STARD4: variants seen among roughly 807,000 people sequenced by gnomAD.
STARD4 encodes the protein StAR related lipid transfer domain containing 4, also known as stAR-related lipid transfer protein 4.
In STARD4, 33 loss-of-function variants were observed where a neutral mutation model predicts 24.9. The ratio of observed to expected loss-of-function variants is 1.32; its 90% CI spans 1.00 to 1.77. STARD4 has a LOEUF of 1.77. Ranked by LOEUF, STARD4 falls within the 40% of genes most tolerant of loss-of-function variation. The pLI, the probability that STARD4 is intolerant of heterozygous loss-of-function variation, is 0.00. For missense variants in STARD4, 238 were observed against 249.3 expected, an observed-to-expected ratio of 0.95 and a Z score of 0.31; for synonymous variants, 88 against 77.4, an observed-to-expected ratio of 1.14 and a Z score of -0.72.
intron 1 of STARD4, among the ~76,000 whole-genome samples, chr5:111,508,052 G>C (rs1450797809): frequency 6.6e-6 from 1 of 152,002 alleles, no homozygotes; most frequent in East Asian, 1.9e-4. Context: ...CCTCAAACAG[G>C]CTAGCTTATC....
intron 3 of STARD4, among the ~76,000 whole-genome samples, chr5:111,504,758 C>A (rs1199630556): frequency 6.6e-6 from 1 of 152,178 alleles, no homozygotes; most frequent in Non-Finnish European, 1.5e-5. Context: ...ATTAGAAAAT[C>A]TTAGATTCAA....
intron 4 of STARD4, among the ~76,000 whole-genome samples, chr5:111,501,552 A>C (rs924527438): frequency 2.6e-5 from 4 of 152,222 alleles, no homozygotes; most frequent in Non-Finnish European, 5.9e-5. Context: ...TAATTTTAGA[A>C]TATCTAAGGT....
Position 111,507,460 on chromosome 5 carries a change from A to G in STARD4, c.-9-18T>C, listed in dbSNP as rs774850455. The G allele has an allele frequency of 1.1e-5, 18 of 1,596,786 alleles. No homozygotes were observed. Among genetic ancestry groups the G allele is most frequent in the Non-Finnish European group, 1.5e-5 (17 of 1,168,724 alleles). On this transcript the variant is annotated intron_variant, in intron 1 of 5. Coordinates refer to ENST00000296632, the MANE Select transcript of STARD4 (RefSeq NM_139164.3). This position sits in a 1 kb window ranked among gnomAD's most constrained non-coding sequence, Gnocchi z 4.4. ...ACTTCTCTCTGTTATGGAGACCAAG[A>G]TTAGCATCAGCAAATACCACAGTTT...
At position 111,499,826 on chromosome 5, in the gene STARD4, C is replaced by T; in HGVS notation, c.*60G>A. The T allele has an allele frequency of 2.8e-6, 4 of 1,448,224 alleles. No individual in the cohort carries two copies. The highest frequency in any genetic ancestry group is 3.8e-6 in the Non-Finnish European group (4 of 1,049,178). The allele number at this position is 1,448,224 out of a possible 1,614,324, so 89.7% of individuals were successfully genotyped here. A position where few individuals can be genotyped will look rare whatever the true frequency, so the allele number is the denominator to read the frequency against. Reference sequence around the variant, plus strand: ...AGAAAAGTGGAATCAATGATTTTTACAGGCCATGTAGCTGAGAGAGTTGAT... The same window carrying T: ...AGAAAAGTGGAATCAATGATTTTTATAGGCCATGTAGCTGAGAGAGTTGAT... On this transcript the variant is annotated 3_prime_UTR_variant, in exon 6 of 6. Transcript: ENST00000296632.
At chr5:111,511,345 T>G (rs1336634186) in intron 1 of STARD4, among the ~76,000 whole-genome samples, 8 of 152,236 alleles carry the variant, frequency 5.3e-5, no homozygotes, top group African/African-American at 9.6e-5. Context: ...TAACATTTAT[T>G]GATCACTTAC....
intron 3 of STARD4, among the ~76,000 whole-genome samples, chr5:111,504,692 C>T (rs893439461): frequency 5.3e-5 from 8 of 152,272 alleles, no homozygotes; most frequent in Middle Eastern, 3.4e-3. Flanking sequence ...TCTGCTCTCT[C>T]ATCTTGTATT....
At chr5:111,511,832 A>G (rs1481045469) in intron 1 of STARD4, among the ~76,000 whole-genome samples, 1 of 152,228 alleles carries the variant, frequency 6.6e-6, no homozygotes, top group Non-Finnish European at 1.5e-5. Context: ...ATTCGGGAAA[A>G]CAATGACACT....
chr5:111,512,246 C>T (rs866744589), intron 1 of STARD4, 139 bp downstream of exon 1: 1 of 152,486 alleles, frequency 6.6e-6, no homozygotes, highest in Non-Finnish European at 1.5e-5. Context: ...GCCCGCCATC[C>T]CCAACGTCCA....
intron 3 of STARD4, chr5:111,504,910 A>G (rs1373695692): frequency 3.7e-5 from 16 of 428,318 alleles, no homozygotes; most frequent in Non-Finnish European, 6.4e-5. Context: ...CATTGCCACC[A>G]CCATCGCTAT....
chr5:111,500,168 T>G, intron 5 of STARD4, 62 bp from the exon 6 acceptor site: 1 of 1,448,912 alleles, frequency 6.9e-7, no homozygotes, highest in Non-Finnish European at 9.1e-7. Context: ...ACTCTCATTT[T>G]AAAATATTAC....
chr5:111,499,922 T>C lies in STARD4; in HGVS notation c.582A>G (p.Leu194=). ...SAVDTAMAST[L]TNFYGDLRKA... is the part of the protein sequence containing the mutation. ...TTCGTAAATCACCATAGAAGTTGGT[T>C]AAAGTGCTTGCCATGGCTGTATCTA... Residue 194 remains leucine (L), a synonymous_variant, in exon 6 of 6, where the codon TTA becomes TTG. Coordinates refer to ENST00000296632, the MANE Select transcript of STARD4 (RefSeq NM_139164.3). 1 of 1,614,144 alleles carries C rather than the reference T, an allele frequency of 6.2e-7. No homozygotes were observed. The highest frequency in any genetic ancestry group is 8.5e-7 in the Non-Finnish European group (1 of 1,180,010).
At chr5:111,508,991 A>C (rs1413985054) in intron 1 of STARD4, among the ~76,000 whole-genome samples, 1 of 152,144 alleles carries the variant, frequency 6.6e-6, no homozygotes, top group Non-Finnish European at 1.5e-5. Flanking sequence ...GATCTATGTA[A>C]GTGATGCAAA....
chr5:111,511,375 G>T (rs1453440254), intron 1 of STARD4, among the ~76,000 whole-genome samples: 1 of 152,082 alleles, frequency 6.6e-6, no homozygotes, highest in South Asian at 2.1e-4. Flanking sequence ...AGTCCTTCTG[G>T]CTGCTTTACA....
intron 3 of STARD4, chr5:111,505,046 GAA>G (rs60507297): frequency 7.6e-6 from 3 of 395,918 alleles, no homozygotes; most frequent in Admixed American, 2.8e-5. Flanking sequence ...TTAAGACTCT[GAA>G]AAAAAAAAAA....
At position 111,499,712 on chromosome 5, in the gene STARD4, C is replaced by T. The variant is rs1580842053; in HGVS notation, c.*174G>A. 3.3e-6 allele frequency: 2 copies of T among 606,208 alleles called. No individual in the cohort carries two copies. The highest frequency in any genetic ancestry group is 5.8e-5 in the East Asian group (2 of 34,628). 37.6% of individuals were successfully genotyped at this position (606,208 alleles called of 1,614,324 possible). A position where few individuals can be genotyped will look rare whatever the true frequency, so the allele number is the denominator to read the frequency against. ...TTTAAAAAAAAAAAAGTGAAAATGC[C>T]CTCTCTTAGATAGCTATTTACTTTA... On this transcript the variant is annotated 3_prime_UTR_variant, in exon 6 of 6. Coordinates refer to ENST00000296632, the MANE Select transcript of STARD4 (RefSeq NM_139164.3).
rs776869948 is a variant in STARD4, at chr5:111,506,379, T to C, written c.106A>G (p.Lys36Glu). ...EDKWRVAKKTKDVTVWRKPSE... is the reference protein window; with the variant it reads ...EDKWRVAKKTEDVTVWRKPSE... ...GGTTTTCTCCAAACAGTTACATCTT[T>C]CTAGAAAAATAAAAACATTATATGG... The change falls in exon 3 of 6, where the codon AAA becomes GAA. Residue 36 changes from lysine (K) to glutamate (E), a missense_variant and splice_region_variant. Lys to Glu is a moderately conservative substitution (Grantham distance 56). Transcript: ENST00000296632. The C allele has an allele frequency of 6.9e-7, 1 of 1,453,986 alleles. No homozygotes were observed. Among genetic ancestry groups the C allele is most frequent in the Non-Finnish European group, 9.5e-7 (1 of 1,052,960 alleles). The allele number at this position is 1,453,986 out of a possible 1,614,324, so 90.1% of individuals were successfully genotyped here.
chr5:111,502,935 C>G (rs1333606957), intron 3 of STARD4, among the ~76,000 whole-genome samples: 1 of 152,036 alleles, frequency 6.6e-6, no homozygotes, highest in East Asian at 1.9e-4. Context: ...GAACTGAGGG[C>G]TATACTACGT....
rs1756928589 is a variant in STARD4, at chr5:111,507,248, G to A, written c.105+81C>T. 1 of 1,122,400 alleles carries A rather than the reference G, an allele frequency of 8.9e-7. No individual in the cohort carries two copies. The highest frequency in any genetic ancestry group is 1.3e-6 in the Non-Finnish European group (1 of 774,732). 69.5% of individuals were successfully genotyped at this position (1,122,400 alleles called of 1,614,324 possible). Reference sequence around the variant, plus strand: ...CCAAAGTATGGTCTTTGTCCATATTGTTCCATTTAATTTTAAAAGTCATCA... The same window carrying A: ...CCAAAGTATGGTCTTTGTCCATATTATTCCATTTAATTTTAAAAGTCATCA... On this transcript the variant is annotated intron_variant, in intron 2 of 5. Coordinates refer to ENST00000296632, the MANE Select transcript of STARD4 (RefSeq NM_139164.3). This position sits in a 1 kb window ranked among gnomAD's most constrained non-coding sequence, Gnocchi z 4.4.
chr5:111,499,099 C>CA lies in STARD4; in HGVS notation c.*786dup, dbSNP rs933182465. 15 of 152,172 alleles carry CA rather than the reference C, an allele frequency of 9.9e-5. No homozygotes were observed. The highest frequency in any genetic ancestry group is 1.9e-4 in the Non-Finnish European group (13 of 67,992). 9.4% of individuals were successfully genotyped at this position (152,172 alleles called of 1,614,324 possible). A position where few individuals can be genotyped will look rare whatever the true frequency, so the allele number is the denominator to read the frequency against. On this transcript the variant is annotated 3_prime_UTR_variant, in exon 6 of 6. Coordinates refer to ENST00000296632, the MANE Select transcript of STARD4 (RefSeq NM_139164.3). Reference sequence around the variant, plus strand: ...GGATTTCGAGATGTGTGCATGTACACAAAAAAATATATACAAAGATTTGCC... The same window carrying CA: ...GGATTTCGAGATGTGTGCATGTACACAAAAAAAATATATACAAAGATTTGCC...
Sources: allele counts gnomAD v4.1 joint callset (sites outside exome capture counted in the v4.1 genomes callset), GRCh38; gene constraint gnomAD v4.1.1; non-coding constraint Gnocchi (gnomAD v3.1); transcripts MANE v1.5; gene names NCBI Gene and HGNC (gene_info 2026-07-23, HGNC 2026-07-21).